The following ZMYND8 variants were observed in gnomAD, a reference collection of about 807,000 sequenced individuals.
ZMYND8 encodes zinc finger MYND-type containing 8.
Under a neutral mutation model 140.8 loss-of-function variants are expected in ZMYND8, and 37 were observed. The ratio of observed to expected loss-of-function variants is 0.26; its 90% confidence interval spans 0.20 to 0.35. The LOEUF (loss-of-function observed/expected upper bound fraction) is 0.35, where lower values mean the gene tolerates loss of function less well. ZMYND8 is among the 10% of genes least tolerant of loss of function. ZMYND8 has a pLI of 1.00. For missense variants in ZMYND8, 1,068 were observed against 1,570.0 expected, an observed-to-expected ratio of 0.68 and a Z score of 5.40; for synonymous variants, 592 against 597.1, an observed-to-expected ratio of 0.99 and a Z score of 0.12.
chr20:47,322,641 C>G (rs542883161), intron 2 of ZMYND8, among the ~76,000 whole-genome samples: 31 of 151,864 alleles, frequency 2.0e-4, no homozygotes, highest in Admixed American at 2.0e-3. Context: ...GATCTCCTGA[C>G]CTCGTGATCC....
chr20:47,275,349 G>A (rs989493174), intron 11 of ZMYND8, among the ~76,000 whole-genome samples: 3 of 151,894 alleles, frequency 2.0e-5, no homozygotes, highest in African/African-American at 4.8e-5. Flanking sequence ...AAAATTAGCT[G>A]GACATAGTAG....
At chr20:47,270,373 C>CAAA (rs10659368) in intron 11 of ZMYND8, among the ~76,000 whole-genome samples, 5 of 46,428 alleles carry the variant, frequency 1.1e-4, no homozygotes, top group Admixed American at 4.8e-4. Flanking sequence ...AACTCCATCT[C>CAAA]AAAAAAAAAA....
chr20:47,276,895 A>C, intron 10 of ZMYND8, 100 bp from the exon 11 acceptor site: 1 of 1,149,730 alleles, frequency 8.7e-7, no homozygotes, highest in Non-Finnish European at 1.2e-6. Context: ...ATGTTTGCCA[A>C]GATTCTTATT....
In ZMYND8 at chr20:47,221,458, C is replaced by T. The variant is rs2036926019; in HGVS notation, c.3273G>A (p.Gln1091=). Residue 1091 remains glutamine (Q), a synonymous_variant, in exon 20 of 23, where the codon CAG becomes CAA. Transcript: ENST00000471951. ...CTGTGTTCACCTCAGCATCCGCTTCCTGCTGAGGAGCAGTAGCTGGGGACA... is the reference window on the plus strand; with the variant it reads ...CTGTGTTCACCTCAGCATCCGCTTCTTGCTGAGGAGCAGTAGCTGGGGACA... ...SCTQSATAPQ[Q]EADAEVNTET... 1 of 1,613,956 alleles carries T rather than the reference C, an allele frequency of 6.2e-7. No individual in the cohort carries two copies. Among genetic ancestry groups the T allele is most frequent in the Non-Finnish European group, 8.5e-7 (1 of 1,180,016 alleles).
chr20:47,316,272 A>G (rs112130125), intron 2 of ZMYND8, among the ~76,000 whole-genome samples: 5 of 150,374 alleles, frequency 3.3e-5, no homozygotes, highest in African/African-American at 1.2e-4. Flanking sequence ...CGGAGGTTGC[A>G]GTAAGCCGAG....
intron 2 of ZMYND8, among the ~76,000 whole-genome samples, chr20:47,342,650 A>C (rs2148550939): frequency 6.6e-6 from 1 of 151,714 alleles, no homozygotes; most frequent in South Asian, 2.1e-4. Context: ...GTTCGAGACT[A>C]GCCTGGCCAA....
Position 47,282,191 on chromosome 20 carries a change from G to A in ZMYND8, c.909C>T (p.Ala303=), listed in dbSNP as rs748351906. 1 of 1,614,024 alleles carries A rather than the reference G, an allele frequency of 6.2e-7. No homozygotes were observed. The highest frequency in any genetic ancestry group is 8.5e-7 in the Non-Finnish European group (1 of 1,179,992). The part of the protein sequence containing the change: ...PCSNPHPLVW[A]KLKGFPFWPA... ...GCCAGAATGGAAACCCCTTCAGTTT[G>A]GCCCAGACCAAAGGATGTGGATTGC... is the stretch of plus-strand genomic sequence containing the variant. Residue 303 remains alanine (A), a synonymous_variant, in exon 10 of 23, where the codon GCC becomes GCT. Coordinates refer to ENST00000471951, the MANE Select transcript of ZMYND8 (RefSeq NM_001281775.3).
chr20:47,263,289 AATG>A (rs2075283816), intron 11 of ZMYND8, among the ~76,000 whole-genome samples: 1 of 88,670 alleles, frequency 1.1e-5, no homozygotes, highest in Admixed American at 1.1e-4. Flanking sequence ...CACTAACAAC[AATG>A]ACAGCCAACT....
At chr20:47,313,436 C>A (rs1006450930) in intron 2 of ZMYND8, among the ~76,000 whole-genome samples, 3 of 151,412 alleles carry the variant, frequency 2.0e-5, no homozygotes, top group African/African-American at 7.3e-5. Flanking sequence ...TCCTGGCTAA[C>A]ATGGTGAAAC....
chr20:47,329,435 G>A (rs2080748816), intron 2 of ZMYND8, among the ~76,000 whole-genome samples: 1 of 151,578 alleles, frequency 6.6e-6, no homozygotes. Context: ...ATGGAGTTTT[G>A]CTCTTATTGC....
chr20:47,334,686 T>G (rs1037427613), intron 2 of ZMYND8, among the ~76,000 whole-genome samples: 1 of 151,632 alleles, frequency 6.6e-6, no homozygotes, highest in Non-Finnish European at 1.5e-5. Flanking sequence ...CTTGGCTCAC[T>G]GCAACCTCCA....
chr20:47,236,556 G>T, intron 15 of ZMYND8, 40 bp from the exon 16 acceptor site: 2 of 1,506,572 alleles, frequency 1.3e-6, no homozygotes, highest in South Asian at 2.7e-5. Flanking sequence ...ACGTGGGAAG[G>T]ACCCATCCCA....
intron 10 of ZMYND8, among the ~76,000 whole-genome samples, chr20:47,278,152 T>C (rs1322013628): frequency 6.6e-6 from 1 of 152,152 alleles, no homozygotes; most frequent in East Asian, 1.9e-4. Flanking sequence ...TTTTTAACTT[T>C]TGTATACTTT....
chr20:47,347,005 G>A (rs868470950), intron 2 of ZMYND8, among the ~76,000 whole-genome samples: 1 of 152,134 alleles, frequency 6.6e-6, no homozygotes, highest in Admixed American at 6.6e-5. Flanking sequence ...ATCTCCTTCC[G>A]GCAGTATGCA....
chr20:47,260,730 T>C (rs2075094586), intron 12 of ZMYND8, among the ~76,000 whole-genome samples: 1 of 152,198 alleles, frequency 6.6e-6, no homozygotes, highest in Non-Finnish European at 1.5e-5. Context: ...TATCTTGGTG[T>C]GAACTGCCTC....
Position 47,236,402 on chromosome 20 carries a change from G to A in ZMYND8, c.2780C>T (p.Ser927Phe), listed in dbSNP as rs2039242425. ...TSSGSMSTLVSSVNADLPIAT... is the reference protein window; with the variant it reads ...TSSGSMSTLVFSVNADLPIAT... Reference sequence around the variant, plus strand: ...GATGGGCAGGTCAGCGTTGACTGAGGACACAAGGGTGCTCATGGACCCCGA... The same window carrying A: ...GATGGGCAGGTCAGCGTTGACTGAGAACACAAGGGTGCTCATGGACCCCGA... Residue 927 changes from serine to phenylalanine, a missense_variant, in exon 16 of 23, where the codon TCC becomes TTC. Transcript: ENST00000471951. 4 of 1,614,208 alleles carry A rather than the reference G, an allele frequency of 2.5e-6. No homozygotes were observed. Among genetic ancestry groups the A allele is most frequent in the Non-Finnish European group, 3.4e-6 (4 of 1,180,038 alleles).
At position 47,299,747 on chromosome 20, in the gene ZMYND8, C is replaced by T. The variant is rs558151994; in HGVS notation, c.235-800G>A. Among the ~76,000 whole-genome samples, 3 of 152,226 alleles carry T rather than the reference C, an allele frequency of 2.0e-5. No individual in the cohort carries two copies. The South Asian group carries it at 6.2e-4, about 32-fold the overall frequency. On this transcript the variant is annotated intron_variant, in intron 3 of 22. Transcript: ENST00000471951. ...TACAGGCGTGTGCCACCATGCCCGG[C>T]TAATTTTCGTATTTTTAGTAGAGAT...
intron 3 of ZMYND8, among the ~76,000 whole-genome samples, chr20:47,300,991 T>TA (rs1389540501): frequency 6.6e-6 from 1 of 151,524 alleles, no homozygotes; most frequent in African/African-American, 2.4e-5. Flanking sequence ...AGGCTGGTAT[T>TA]AAGAGGTTTT....
Position 47,276,482 on chromosome 20 carries a change from C to G in ZMYND8, c.1312G>C (p.Gly438Arg), listed in dbSNP as rs775635430. ...KILMSKPVLS[G>R]GTGRRISLSD... Reference sequence around the variant, plus strand: ...AAGGAAATCCGGCGGCCTGTGCCCCCACTCAGCACAGGCTTGCTCATCAGG... The same window carrying G: ...AAGGAAATCCGGCGGCCTGTGCCCCGACTCAGCACAGGCTTGCTCATCAGG... Residue 438 changes from glycine to arginine, a missense_variant, in exon 11 of 23, where the codon GGG becomes CGG. Coordinates refer to ENST00000471951, the MANE Select transcript of ZMYND8 (RefSeq NM_001281775.3). 1.1e-5 allele frequency: 17 copies of G among 1,613,952 alleles called. No homozygotes were observed. The highest frequency in any genetic ancestry group is 5.0e-5 in the Admixed American group (3 of 59,992).
Sources: gnomAD v4.1 joint callset for allele counts (sites outside exome capture counted in the v4.1 genomes callset) on GRCh38, gnomAD v4.1.1 for gene constraint, MANE v1.5 for transcripts, NCBI Gene and HGNC (gene_info 2026-07-23, HGNC 2026-07-21) for gene names.